SCN3A: variants seen among roughly 807,000 people sequenced by gnomAD.
SCN3A encodes sodium voltage-gated channel alpha subunit 3.
A neutral mutation model predicts 187.6 loss-of-function variants in SCN3A; 60 were observed. That is an observed-to-expected ratio of 0.32 (90% CI 0.26 to 0.40). The LOEUF is 0.40. Ranked by LOEUF, SCN3A falls within the 10% of genes least tolerant of loss-of-function variation. The pLI is 1.00. For missense variants in SCN3A, 1,601 were observed against 2,428.2 expected (o/e 0.66, Z 7.16); for synonymous variants, 788 against 829.2 (o/e 0.95, Z 0.85).
intron 18 of SCN3A, among the ~76,000 whole-genome samples, chr2:165,123,305 T>C (rs1686801051): frequency 1.3e-5 from 2 of 152,164 alleles, no homozygotes; most frequent in African/African-American, 4.8e-5. Context: ...ATGTAATATA[T>C]ATACACACAT....
In SCN3A at chr2:165,112,942, A is replaced by G. The variant is rs1351297687; in HGVS notation, c.3786T>C (p.Tyr1262=). 3.1e-6 allele frequency: 5 copies of G among 1,613,628 alleles called. No homozygotes were observed. Among genetic ancestry groups the G allele is most frequent in the South Asian group, 1.1e-5 (1 of 91,014 alleles). ...ILEMLLKWVA[Y]GFQTYFTNAW... ...CATTAGTGAAATATGTTTGAAATCC[A>G]TAAGCAACCCATTTGAGAAGCATTT... Residue 1262 remains tyrosine (Y), a synonymous_variant, in exon 21 of 28, where the codon TAT becomes TAC. Transcript: ENST00000283254.
At chr2:165,105,935 C>T (rs189474210) in intron 21 of SCN3A, among the ~76,000 whole-genome samples, 1 of 152,260 alleles carries the variant, frequency 6.6e-6, no homozygotes, top group East Asian at 1.9e-4. Flanking sequence ...AGGGCCGCCT[C>T]TTTGCTTTCT....
At chr2:165,200,706 GTCAGT>G (rs778047746) in intron 1 of SCN3A, among the ~76,000 whole-genome samples, 2 of 152,024 alleles carry the variant, frequency 1.3e-5, no homozygotes, top group Non-Finnish European at 1.5e-5. Context: ...AGTTACTTGA[GTCAGT>G]TTAAAGAGGC....
chr2:165,149,998 A>G lies in SCN3A; in HGVS notation c.1381-2969T>C, dbSNP rs72870767. The stretch of plus-strand genomic sequence containing the variant: ...TACCTATTTCTGTTCTACCCCAATT[A>G]TATTAGATTTCTTAAGAGCTACTAT... On this transcript the variant is annotated intron_variant, in intron 11 of 27. Coordinates refer to ENST00000283254, the MANE Select transcript of SCN3A (RefSeq NM_006922.4). Among the ~76,000 whole-genome samples the G allele has an allele frequency of 4.8e-3, 736 of 152,264 alleles. 4 individuals carry two copies. Among genetic ancestry groups the G allele is most frequent in the Non-Finnish European group, 7.9e-3 (538 of 68,016 alleles).
chr2:165,109,280 CAGGTTTGT>C (rs921559349), intron 21 of SCN3A, among the ~76,000 whole-genome samples: 6 of 152,122 alleles, frequency 3.9e-5, no homozygotes, highest in Admixed American at 2.0e-4. Context: ...TGAGCTAAAA[CAGGTTTGT>C]AGCTTCAAAT....
chr2:165,164,782 T>C (rs1445287046), intron 5 of SCN3A, among the ~76,000 whole-genome samples: 11 of 152,166 alleles, frequency 7.2e-5, no homozygotes, highest in Admixed American at 7.2e-4. Flanking sequence ...ATGTATCTTA[T>C]GGATAATCAT....
Position 165,181,463 on chromosome 2 carries a change from T to C in SCN3A, c.-50-5019A>G, listed in dbSNP as rs144524024. Among the ~76,000 whole-genome samples the C allele has an allele frequency of 8.5e-3, 1,297 of 152,320 alleles. 13 individuals are homozygous for C. Among genetic ancestry groups the C allele is most frequent in the Non-Finnish European group, 0.013 (878 of 68,028 alleles). ...TTCCAGATTTTGACAAATTTTATTA[T>C]ATAATATCCAAAAATCGCATTTGTT... On this transcript the variant is annotated intron_variant, in intron 2 of 27. Coordinates refer to ENST00000283254, the MANE Select transcript of SCN3A (RefSeq NM_006922.4).
At chr2:165,113,297 T>C (rs1392771369) in intron 20 of SCN3A, among the ~76,000 whole-genome samples, 1 of 152,196 alleles carries the variant, frequency 6.6e-6, no homozygotes, top group Non-Finnish European at 1.5e-5. Context: ...CCTAAGTCTC[T>C]ATCTCAATTA....
chr2:165,170,652 A>T (rs1449574379), intron 3 of SCN3A, 104 bp from the exon 4 acceptor site: 2 of 750,684 alleles, frequency 2.7e-6, no homozygotes, highest in Non-Finnish European at 4.7e-6. Flanking sequence ...GTTTGTTCAA[A>T]CTTGTTTGTT....
At position 165,090,240 on chromosome 2, in the gene SCN3A, A is replaced by C; in HGVS notation, c.5913T>G (p.Asp1971Glu). ...SSSTTSPPSY[D>E]SVTKPDKEKF... Reference sequence around the variant, plus strand: ...TTTCCTTGTCTGGTTTTGTTACACTATCATAGGAAGGAGGAGAGGTGGTAG... The same window carrying C: ...TTTCCTTGTCTGGTTTTGTTACACTCTCATAGGAAGGAGGAGAGGTGGTAG... The change falls in exon 28 of 28, where the codon GAT becomes GAG. Residue 1971 changes from aspartate (D) to glutamate (E), a missense_variant. Physicochemically the swap from Asp to Glu is conservative, Grantham distance 45. Transcript: ENST00000283254. This position sits in a 1 kb window ranked among gnomAD's most constrained non-coding sequence, Gnocchi z 4.0. 2 of 1,610,708 alleles carry C rather than the reference A, an allele frequency of 1.2e-6. No individual in the cohort carries two copies. Among genetic ancestry groups the C allele is most frequent in the Non-Finnish European group, 1.7e-6 (2 of 1,177,842 alleles).
intron 10 of SCN3A, 70 bp downstream of exon 10, chr2:165,155,692 C>T: frequency 6.3e-7 from 1 of 1,577,364 alleles, no homozygotes; most frequent in South Asian, 1.1e-5. Flanking sequence ...AGCCACCACA[C>T]CCAGCCTATG....
chr2:165,122,106 C>T (rs1273070739), intron 18 of SCN3A, among the ~76,000 whole-genome samples: 4 of 151,930 alleles, frequency 2.6e-5, no homozygotes, highest in Admixed American at 2.6e-4. Flanking sequence ...GTTTTGCAGA[C>T]ATAACTTTTC....
intron 1 of SCN3A, among the ~76,000 whole-genome samples, chr2:165,189,216 A>G (rs1261048270): frequency 6.6e-6 from 1 of 152,236 alleles, no homozygotes; most frequent in Non-Finnish European, 1.5e-5. Context: ...TGTTTAGGAT[A>G]TAGTATAAAG....
intron 2 of SCN3A, among the ~76,000 whole-genome samples, chr2:165,178,156 A>G (rs1389428739): frequency 6.6e-6 from 1 of 152,112 alleles, no homozygotes; most frequent in African/African-American, 2.4e-5. Context: ...TTTTGCTTAT[A>G]TCTTAATTAC....
At chr2:165,117,877 C>T (rs988592690) in intron 18 of SCN3A, among the ~76,000 whole-genome samples, 4 of 152,172 alleles carry the variant, frequency 2.6e-5, no homozygotes, top group African/African-American at 9.7e-5. Context: ...CCCTTCACTT[C>T]CCATGTTACC....
intron 9 of SCN3A, among the ~76,000 whole-genome samples, chr2:165,160,735 C>T (rs62174943): frequency 0.1 from 15,742 of 151,738 alleles, 964 homozygotes; most frequent in African/African-American, 0.13. Context: ...CCATCTTTCA[C>T]GTTTAAGAGA....
Position 165,127,682 on chromosome 2 carries a change from G to A in SCN3A, c.3342C>T (p.Asn1114=), listed in dbSNP as rs542635414. Residue 1114 remains asparagine (N), a synonymous_variant, in exon 18 of 28, where the codon AAC becomes AAT. Transcript: ENST00000283254. ...CACTGCTGAACTCTTCAGTATTTAA[G>A]TTTTCAAAGTCAGACTCTCCAACAG... ...PIAVGESDFE[N]LNTEEFSSES... The A allele has an allele frequency of 1.2e-6, 2 of 1,614,126 alleles. No homozygotes were observed. Among genetic ancestry groups the A allele is most frequent in the East Asian group, 2.2e-5 (1 of 44,872 alleles).
chr2:165,149,714 A>T (rs1421076971), intron 11 of SCN3A, among the ~76,000 whole-genome samples: 3 of 152,192 alleles, frequency 2.0e-5, no homozygotes, highest in Non-Finnish European at 4.4e-5. Flanking sequence ...ACTCTGTGAC[A>T]CTACCAATGT....
chr2:165,166,241 A>G (rs1689748284), intron 5 of SCN3A, among the ~76,000 whole-genome samples: 1 of 152,316 alleles, frequency 6.6e-6, no homozygotes. Context: ...GGAAGTGTTC[A>G]TGGCTGTCCA....
Sources: gnomAD v4.1 joint callset for allele counts (sites outside exome capture counted in the v4.1 genomes callset) on GRCh38, gnomAD v4.1.1 for gene constraint, Gnocchi (gnomAD v3.1) non-coding constraint, MANE v1.5 for transcripts, NCBI Gene and HGNC (gene_info 2026-07-23, HGNC 2026-07-21) for gene names.